The following CUX1 variants were observed in gnomAD, a reference collection of about 807,000 sequenced individuals.
The protein encoded by CUX1 is cut like homeobox 1.
CUX1 carries 31 observed loss-of-function variants against 158.8 expected under a neutral mutation model. That is an observed-to-expected ratio of 0.20 (90% CI 0.15 to 0.26). The LOEUF is 0.26. Among genes scored for constraint, CUX1 ranks in the 10% least tolerant of loss-of-function variants. The pLI, the probability that CUX1 is intolerant of heterozygous loss-of-function variation, is 1.00. For synonymous variants in CUX1, 879 were observed against 862.1 expected, an observed-to-expected ratio of 1.02 and a Z score of -0.34; for missense variants, 1,589 against 2,014.6, an observed-to-expected ratio of 0.79 and a Z score of 4.04.
At chr7:101,995,603 A>T (rs1046685776) in intron 2 of CUX1, among the ~76,000 whole-genome samples, 7 of 152,236 alleles carry the variant, frequency 4.6e-5, no homozygotes, top group Non-Finnish European at 8.8e-5. Flanking sequence ...AATCCCACAG[A>T]CCATTATAAA....
At chr7:102,274,645 A>G (rs1586522237) in intron 16 of CUX1, among the ~76,000 whole-genome samples, 1 of 152,168 alleles carries the variant, frequency 6.6e-6, no homozygotes, top group Admixed American at 6.5e-5. Flanking sequence ...TGAGCCCTCA[A>G]CCTGCCTTTC....
At chr7:102,061,204 C>T (rs552810205) in intron 3 of CUX1, among the ~76,000 whole-genome samples, 4 of 152,190 alleles carry the variant, frequency 2.6e-5, no homozygotes, top group Admixed American at 1.3e-4. Flanking sequence ...GATTTACAGG[C>T]GTGAGTCACT....
intron 4 of CUX1, among the ~76,000 whole-genome samples, chr7:102,072,411 A>G (rs865847641): frequency 6.6e-6 from 1 of 152,230 alleles, no homozygotes; most frequent in Non-Finnish European, 1.5e-5. Flanking sequence ...AAAGTAACCA[A>G]TCAGAGGCTA....
chr7:102,271,692 T>C (rs1336482238), intron 14 of CUX1, among the ~76,000 whole-genome samples: 1 of 152,200 alleles, frequency 6.6e-6, no homozygotes, highest in Non-Finnish European at 1.5e-5. Context: ...AGATACCACC[T>C]TCCTGCCAGG....
rs560429505 is a variant in CUX1, at chr7:102,166,242, G to A, written c.724-4204G>A. Reference sequence around the variant, plus strand: ...CTGATATGCAAGCAGTATCCTCCTCGCCCCTGTGTTTCTAGCATCAACTCT... The same window carrying A: ...CTGATATGCAAGCAGTATCCTCCTCACCCCTGTGTTTCTAGCATCAACTCT... On this transcript the variant is annotated intron_variant, in intron 9 of 23. Transcript: ENST00000292535. Among the ~76,000 whole-genome samples the A allele has an allele frequency of 6.6e-5, 10 of 152,262 alleles. No homozygotes were observed. In the East Asian group the frequency reaches 7.7e-4, roughly 12 times the overall value.
chr7:102,037,632 G>T lies in CUX1; in HGVS notation c.189+9487G>T, dbSNP rs1030315627. Reference sequence around the variant, plus strand: ...TTCCCAAAATGCTGGGATTACAGGTGTGAGCCACCACGCCCGGCCCTGGGC... The same window carrying T: ...TTCCCAAAATGCTGGGATTACAGGTTTGAGCCACCACGCCCGGCCCTGGGC... On this transcript the variant is annotated intron_variant, in intron 3 of 23. Coordinates refer to ENST00000292535, the MANE Select transcript of CUX1 (RefSeq NM_181552.4). Among the ~76,000 whole-genome samples the T allele has an allele frequency of 6.0e-5, 9 of 150,576 alleles. No individual in the cohort carries two copies. In the Middle Eastern group the frequency reaches 0.011, roughly 183 times the overall value.
intron 20 of CUX1, among the ~76,000 whole-genome samples, chr7:102,217,381 G>A (rs1554525252): frequency 6.6e-6 from 1 of 152,216 alleles, no homozygotes; most frequent in Non-Finnish European, 1.5e-5. Context: ...TCCCCTCCCC[G>A]CCCGCGGGTG....
At chr7:102,009,425 G>GAAGGCCAAAGAAA (rs1817743883) in intron 2 of CUX1, among the ~76,000 whole-genome samples, 2 of 152,202 alleles carry the variant, frequency 1.3e-5, no homozygotes, top group African/African-American at 4.8e-5. Context: ...TCATTTCTAA[G>GAAGGCCAAAGAAA]AAGGCCAAAG....
intron 1 of CUX1, among the ~76,000 whole-genome samples, chr7:101,841,648 C>G (rs1795208629): frequency 6.6e-6 from 1 of 152,106 alleles, no homozygotes; most frequent in Non-Finnish European, 1.5e-5. Context: ...GCCTCTGCCT[C>G]CCGGGTTCAA....
chr7:102,216,750 GCACA>G (rs1212478117), intron 20 of CUX1, among the ~76,000 whole-genome samples: 2 of 107,948 alleles, frequency 1.9e-5, no homozygotes, highest in South Asian at 3.1e-4. Flanking sequence ...ACACACTTCT[GCACA>G]CACACACTCT....
chr7:101,857,786 C>G (rs771801315), intron 1 of CUX1, among the ~76,000 whole-genome samples: 1 of 151,980 alleles, frequency 6.6e-6, no homozygotes, highest in Non-Finnish European at 1.5e-5. Flanking sequence ...CCCCTTAGCT[C>G]TTCCTCCTGG....
At chr7:102,008,921 C>T (rs1457325504) in intron 2 of CUX1, among the ~76,000 whole-genome samples, 2 of 152,168 alleles carry the variant, frequency 1.3e-5, no homozygotes, top group African/African-American at 4.8e-5. Flanking sequence ...TTCTTGATCA[C>T]TCATGGCAGT....
At chr7:102,046,005 A>G (rs1563171499) in intron 3 of CUX1, among the ~76,000 whole-genome samples, 1 of 152,208 alleles carries the variant, frequency 6.6e-6, no homozygotes, top group East Asian at 1.9e-4. Flanking sequence ...TGCCTGGGAA[A>G]TGTTTGTTGA....
At position 102,157,792 on chromosome 7, in the gene CUX1, A is replaced by C. The variant is rs948292057; in HGVS notation, c.675-768A>C. The stretch of plus-strand genomic sequence containing the variant: ...TCTGTCTCAAAACAAACAAACATAC[A>C]AACATAAAAGCACTCTCCGCATTCC... On this transcript the variant is annotated intron_variant, in intron 8 of 23. Coordinates refer to ENST00000292535, the MANE Select transcript of CUX1 (RefSeq NM_181552.4). Among the ~76,000 whole-genome samples, 3 of 152,066 alleles carry C rather than the reference A, an allele frequency of 2.0e-5. No homozygotes were observed. In the South Asian group the frequency reaches 6.2e-4, roughly 32 times the overall value.
intron 2 of CUX1, among the ~76,000 whole-genome samples, chr7:101,958,913 G>A (rs1810111525): frequency 1.5e-5 from 2 of 134,600 alleles, no homozygotes; most frequent in African/African-American, 5.7e-5. Context: ...GGACTCCAGT[G>A]GTACAGTCGT....
chr7:102,163,835 C>G (rs1554507899), intron 9 of CUX1, among the ~76,000 whole-genome samples: 2 of 152,192 alleles, frequency 1.3e-5, no homozygotes, highest in Non-Finnish European at 1.5e-5. Context: ...TTTACTAGCT[C>G]ACTGGCATAC....
At chr7:102,129,828 A>G (rs1294000420) in intron 8 of CUX1, among the ~76,000 whole-genome samples, 1 of 152,192 alleles carries the variant, frequency 6.6e-6, no homozygotes, top group Non-Finnish European at 1.5e-5. Context: ...GGCGGCCCGC[A>G]TTGGAGATCT....
At chr7:101,948,918 C>T (rs1325092519) in intron 2 of CUX1, among the ~76,000 whole-genome samples, 2 of 152,184 alleles carry the variant, frequency 1.3e-5, no homozygotes, top group African/African-American at 4.8e-5. Flanking sequence ...CTGAGTATGG[C>T]CCAGGACCCT....
intron 4 of CUX1, among the ~76,000 whole-genome samples, chr7:102,086,616 GT>G (rs1339947874): frequency 2.5e-4 from 36 of 144,246 alleles, no homozygotes; most frequent in Admixed American, 2.8e-4. Flanking sequence ...TTTTTTCGTT[GT>G]TTTTTTTTTT....
Sources: allele counts gnomAD v4.1 joint callset (sites outside exome capture counted in the v4.1 genomes callset), GRCh38; gene constraint gnomAD v4.1.1; transcripts MANE v1.5; gene names NCBI Gene and HGNC (gene_info 2026-07-23, HGNC 2026-07-21).